Variants in ANKIB1 observed in about 807,000 individuals in gnomAD.
ANKIB1 encodes the protein ankyrin repeat and IBR domain containing 1.
Under a neutral mutation model 122.1 loss-of-function variants are expected in ANKIB1, and 43 were observed. The ratio of observed to expected loss-of-function variants is 0.35; its 90% CI spans 0.28 to 0.45. The LOEUF (loss-of-function observed/expected upper bound fraction) is 0.45. Ranked by LOEUF, ANKIB1 falls within the 20% of genes least tolerant of loss-of-function variation. ANKIB1 has a pLI of 1.00. For missense variants in ANKIB1, 992 were observed against 1,329.5 expected, an observed-to-expected ratio of 0.75 and a Z score of 3.95; for synonymous variants, 390 against 442.0, an observed-to-expected ratio of 0.88 and a Z score of 1.48.
chr7:92,391,333 T>C lies in ANKIB1; in HGVS notation c.2220T>C (p.Ala740=). 1.2e-6 allele frequency: 2 copies of C among 1,611,196 alleles called. No individual in the cohort carries two copies. The highest frequency in any genetic ancestry group is 1.7e-6 in the Non-Finnish European group (2 of 1,178,456). The change falls in exon 16 of 20, where the codon GCT becomes GCC. Residue 740 remains alanine, a synonymous_variant. Coordinates refer to ENST00000265742, the MANE Select transcript of ANKIB1 (RefSeq NM_019004.2). The part of the protein sequence containing the change: ...RGVAPADSPE[A]PRRSFAGGTW... ...TAGCTCCTGCAGACTCACCAGAAGC[T>C]CCAAGGCGCAGGTAAAAAGGACGTA... is the stretch of plus-strand genomic sequence containing the variant.
chr7:92,257,644 A>T (rs4727269), intron 1 of ANKIB1, among the ~76,000 whole-genome samples: 150,976 of 152,302 alleles, frequency 0.99, 74,833 homozygotes, highest in Middle Eastern at 1. Context: ...AATAGAAAAT[A>T]AGCTGAGCAT....
At chr7:92,253,163 C>T (rs1420770297) in intron 1 of ANKIB1, among the ~76,000 whole-genome samples, 1 of 152,134 alleles carries the variant, frequency 6.6e-6, no homozygotes, top group Non-Finnish European at 1.5e-5. Context: ...GTCCAGCACC[C>T]CAGGGTTTTT....
In ANKIB1 at chr7:92,399,234, C is replaced by CTT. The variant is rs1804965229; in HGVS notation, c.*286_*287insTT. 4.5e-6 allele frequency: 1 copy of CTT among 220,864 alleles called. No homozygotes were observed. The highest frequency in any genetic ancestry group is 1.7e-4 in the South Asian group (1 of 5,874). The allele number at this position is 220,864 out of a possible 1,614,324, so 13.7% of individuals were successfully genotyped here. Reference sequence around the variant, plus strand: ...AAATAAATAAGTTGTATTCCACACTCTAAGAAAATGCAGTCCTCTATTTAG... The same window carrying CTT: ...AAATAAATAAGTTGTATTCCACACTCTTTAAGAAAATGCAGTCCTCTATTTAG... On this transcript the variant is annotated 3_prime_UTR_variant, in exon 20 of 20. Transcript: ENST00000265742.
chr7:92,261,268 G>C (rs909056611), intron 1 of ANKIB1, among the ~76,000 whole-genome samples: 5 of 148,696 alleles, frequency 3.4e-5, no homozygotes, highest in Non-Finnish European at 7.4e-5. Flanking sequence ...AGAATGGCGT[G>C]AACCCGGGAG....
At chr7:92,394,098 C>A (rs1390131914) in intron 17 of ANKIB1, among the ~76,000 whole-genome samples, 2 of 152,128 alleles carry the variant, frequency 1.3e-5, no homozygotes, top group Admixed American at 1.3e-4. Flanking sequence ...AATTCAAGTT[C>A]TAAGTGTAAC....
At chr7:92,318,287 G>A (rs755989835) in intron 3 of ANKIB1, among the ~76,000 whole-genome samples, 15 of 152,182 alleles carry the variant, frequency 9.9e-5, no homozygotes, top group South Asian at 4.2e-4. Flanking sequence ...AGGCCAAGGC[G>A]GGTGGATCAC....
chr7:92,308,098 T>C (rs1321233248), intron 3 of ANKIB1, among the ~76,000 whole-genome samples: 9 of 151,996 alleles, frequency 5.9e-5, no homozygotes, highest in African/African-American at 2.2e-4. Context: ...TCTCCATCTC[T>C]TGACCTCGTG....
chr7:92,376,387 G>T (rs1006531812), intron 11 of ANKIB1, among the ~76,000 whole-genome samples: 5 of 151,856 alleles, frequency 3.3e-5, no homozygotes, highest in African/African-American at 1.2e-4. Context: ...AGATCTTCTG[G>T]ATAATTTGCC....
At position 92,356,263 on chromosome 7, in the gene ANKIB1, G is replaced by T. The variant is rs190624699; in HGVS notation, c.1397+3621G>T. ...AAAATAGATGAAGCAATCTGTATGT[G>T]TAGACCTAATAATTGTGTCTCATCT... On this transcript the variant is annotated intron_variant, in intron 9 of 19. Coordinates refer to ENST00000265742, the MANE Select transcript of ANKIB1 (RefSeq NM_019004.2). Among the ~76,000 whole-genome samples, 9 of 152,312 alleles carry T rather than the reference G, an allele frequency of 5.9e-5. No individual in the cohort carries two copies. The East Asian group carries it at 1.7e-3, about 29-fold the overall frequency.
At chr7:92,343,350 C>G (rs143717542) in intron 6 of ANKIB1, 118 bp downstream of exon 6, 2 of 876,034 alleles carry the variant, frequency 2.3e-6, no homozygotes, top group Middle Eastern at 2.9e-4. Flanking sequence ...AATCCTATCC[C>G]TTTCTTGAAA....
At chr7:92,296,593 T>TCATTTA (rs1802361475) in intron 2 of ANKIB1, among the ~76,000 whole-genome samples, 1 of 152,206 alleles carries the variant, frequency 6.6e-6, no homozygotes, top group Non-Finnish European at 1.5e-5. Context: ...AAAAAACTTT[T>TCATTTA]AAGGCTCTTT....
At chr7:92,316,165 A>C (rs777020466) in intron 3 of ANKIB1, among the ~76,000 whole-genome samples, 6 of 152,180 alleles carry the variant, frequency 3.9e-5, no homozygotes, top group Non-Finnish European at 8.8e-5. Context: ...ATTTAAGTAA[A>C]ATATTCAGTC....
chr7:92,344,170 TTTG>T (rs1233305255), intron 6 of ANKIB1, among the ~76,000 whole-genome samples: 2 of 151,664 alleles, frequency 1.3e-5, no homozygotes, highest in Non-Finnish European at 2.9e-5. Flanking sequence ...AGGTGGGTTT[TTTG>T]TTGTTGTTTT....
At chr7:92,352,417 G>A (rs1803684239) in intron 8 of ANKIB1, 59 bp from the exon 9 acceptor site, 1 of 1,527,406 alleles carries the variant, frequency 6.5e-7, no homozygotes, top group South Asian at 1.2e-5. Flanking sequence ...GGTACACTCT[G>A]TATTAGAATT....
intron 1 of ANKIB1, among the ~76,000 whole-genome samples, chr7:92,271,811 G>A (rs183354071): frequency 3.9e-5 from 6 of 152,274 alleles, no homozygotes; most frequent in Admixed American, 3.9e-4. Flanking sequence ...AGATTGGAAA[G>A]TTAAAGGATC....
intron 16 of ANKIB1, among the ~76,000 whole-genome samples, chr7:92,391,993 G>C (rs1804796933): frequency 6.6e-6 from 1 of 151,904 alleles, no homozygotes; most frequent in Non-Finnish European, 1.5e-5. Context: ...AATACAAATA[G>C]AAGCATTATA....
At position 92,387,980 on chromosome 7, in the gene ANKIB1, A is replaced by G. The variant is rs1293015995; in HGVS notation, c.1845A>G (p.Glu615=). The G allele has an allele frequency of 6.3e-7, 1 of 1,586,636 alleles. No individual in the cohort carries two copies. The highest frequency in any genetic ancestry group is 8.6e-7 in the Non-Finnish European group (1 of 1,165,424). The change falls in exon 14 of 20, where the codon GAA becomes GAG. Residue 615 remains glutamate (E), a synonymous_variant. Transcript: ENST00000265742. ...CTTTATTTCTATTCCTTTAGCTAGA[A>G]CAACGCCTTCTTAAAACAGCCAAAG... The part of the protein sequence containing the change: ...FKNHEHSYQL[E]QRLLKTAKEK...
At chr7:92,260,218 A>C (rs1801532460) in intron 1 of ANKIB1, among the ~76,000 whole-genome samples, 1 of 151,916 alleles carries the variant, frequency 6.6e-6, no homozygotes, top group Non-Finnish European at 1.5e-5. Context: ...TTCATATCCT[A>C]CTAGTTTCTT....
At chr7:92,397,934 T>C (rs1804935862) in intron 19 of ANKIB1, 75 bp downstream of exon 19, 2 of 1,515,568 alleles carry the variant, frequency 1.3e-6, no homozygotes, top group South Asian at 2.5e-5. Flanking sequence ...GTTGTTACTT[T>C]CATCGCTTTC....
Sources: allele counts gnomAD v4.1 joint callset (sites outside exome capture counted in the v4.1 genomes callset), GRCh38; gene constraint gnomAD v4.1.1; transcripts MANE v1.5; gene names NCBI Gene and HGNC (gene_info 2026-07-23, HGNC 2026-07-21).